ANKRD12: variants seen among roughly 807,000 people sequenced by gnomAD.
ANKRD12 encodes the protein ankyrin repeat domain 12.
Under a neutral mutation model 183.4 loss-of-function variants are expected in ANKRD12, and 85 were observed. That is an observed-to-expected ratio of 0.46 (90% CI 0.39 to 0.56). The LOEUF (loss-of-function observed/expected upper bound fraction) is 0.56, where lower values mean the gene tolerates loss of function less well. Among genes scored for constraint, ANKRD12 ranks in the 20% least tolerant of loss-of-function variants. The pLI is 0.00. For missense variants in ANKRD12, 2,405 were observed against 2,357.1 expected (o/e 1.02, Z -0.42); for synonymous variants, 914 against 800.2 (o/e 1.14, Z -2.40).
chr18:9,209,909 C>T (rs2035692344), intron 5 of ANKRD12, among the ~76,000 whole-genome samples: 1 of 152,090 alleles, frequency 6.6e-6, no homozygotes, highest in African/African-American at 2.4e-5. Flanking sequence ...CAATCACCTC[C>T]CCTCAAGAGG....
intron 7 of ANKRD12, among the ~76,000 whole-genome samples, chr18:9,217,879 G>A (rs1361219779): frequency 6.6e-6 from 1 of 152,100 alleles, no homozygotes; most frequent in East Asian, 1.9e-4. Flanking sequence ...TATCCATCAT[G>A]GATGCACTTG....
At chr18:9,268,526 G>T (rs1434153546) in intron 10 of ANKRD12, among the ~76,000 whole-genome samples, 1 of 152,138 alleles carries the variant, frequency 6.6e-6, no homozygotes, top group East Asian at 1.9e-4. Context: ...AAAACCACAT[G>T]ATTATCTCAA....
intron 1 of ANKRD12, among the ~76,000 whole-genome samples, chr18:9,178,814 T>C (rs1186210734): frequency 1.3e-5 from 2 of 152,206 alleles, no homozygotes; most frequent in South Asian, 2.1e-4. Flanking sequence ...TTTAGATCTT[T>C]TTTCACTTCT....
At chr18:9,266,360 CAG>C (rs1431862970) in intron 10 of ANKRD12, among the ~76,000 whole-genome samples, 7 of 152,124 alleles carry the variant, frequency 4.6e-5, no homozygotes, top group Non-Finnish European at 8.8e-5. Context: ...TAAGGGCAGC[CAG>C]AGAGAAAGGT....
At chr18:9,278,112 A>G (rs991297639) in intron 11 of ANKRD12, among the ~76,000 whole-genome samples, 2 of 152,202 alleles carry the variant, frequency 1.3e-5, no homozygotes, top group African/African-American at 4.8e-5. Context: ...TGAGATACCA[A>G]AATGTGAGGT....
At chr18:9,272,429 G>C (rs1218894210) in intron 10 of ANKRD12, among the ~76,000 whole-genome samples, 1 of 152,054 alleles carries the variant, frequency 6.6e-6, no homozygotes, top group Admixed American at 6.6e-5. Context: ...AGGCTTGGTG[G>C]TGGGCACCTG....
At chr18:9,190,596 T>C (rs187415080) in intron 2 of ANKRD12, among the ~76,000 whole-genome samples, 1 of 152,304 alleles carries the variant, frequency 6.6e-6, no homozygotes, top group East Asian at 1.9e-4. Flanking sequence ...TCAATTCACA[T>C]GGCAAACTTC....
intron 11 of ANKRD12, among the ~76,000 whole-genome samples, chr18:9,277,330 T>C (rs1248807293): frequency 1.4e-5 from 2 of 145,644 alleles, no homozygotes; most frequent in Admixed American, 6.8e-5. Flanking sequence ...TCTTTTTTTT[T>C]TTTTTTTTTT....
At position 9,141,842 on chromosome 18, in the gene ANKRD12, A is replaced by G. The variant is rs376828458; in HGVS notation, c.-52+4877A>G. Among the ~76,000 whole-genome samples the G allele has an allele frequency of 1.2e-4, 18 of 152,332 alleles. No homozygotes were observed. The South Asian group carries it at 3.1e-3, about 26-fold the overall frequency. On this transcript the variant is annotated intron_variant, in intron 1 of 12. Coordinates refer to ENST00000262126, the MANE Select transcript of ANKRD12 (RefSeq NM_015208.5). ...TTTAACTACCTTATGTCTGTTAACT[A>G]TCTTATTTTGACAATTAAGATTAAT...
intron 2 of ANKRD12, among the ~76,000 whole-genome samples, chr18:9,183,685 G>T (rs1166527607): frequency 6.6e-6 from 1 of 151,892 alleles, no homozygotes; most frequent in Non-Finnish European, 1.5e-5. Flanking sequence ...TTCTTTTCCA[G>T]TCCGGATATT....
Position 9,257,854 on chromosome 18 carries a change from G to A in ANKRD12, c.4587G>A (p.Gln1529=), listed in dbSNP as rs778361982. The A allele has an allele frequency of 1.3e-5, 21 of 1,613,650 alleles. No individual in the cohort carries two copies. The highest frequency in any genetic ancestry group is 1.6e-5 in the Non-Finnish European group (19 of 1,179,898). ...TTTTACAACAAAAAAATGCAGTTCA[G>A]ATTATTAGTTCTGCTTTAGATACTG... The part of the protein sequence containing the change: ...PGILQQKNAV[Q]IISSALDTDN... Residue 1529 remains glutamine (Q), a synonymous_variant, in exon 9 of 13, where the codon CAG becomes CAA. Transcript: ENST00000262126.
Position 9,204,541 on chromosome 18 carries a change from TC to T in ANKRD12, c.302del (p.Ser101Ter). ...ERLISSYRTY[S>X]EKEGPEKKKT... Reference sequence around the variant, plus strand: ...ACTTATATCTTCTTACAGGACATACTCAGGTAATTAGATTATCAGGTGTTCC... The same window carrying T: ...ACTTATATCTTCTTACAGGACATACTAGGTAATTAGATTATCAGGTGTTCC... On this transcript the variant is annotated frameshift_variant and splice_region_variant, in exon 4 of 13. Coordinates refer to ENST00000262126, the MANE Select transcript of ANKRD12 (RefSeq NM_015208.5). LOFTEE classifies it high-confidence loss of function. The T allele has an allele frequency of 6.3e-7, 1 of 1,581,902 alleles. No homozygotes were observed. The highest frequency in any genetic ancestry group is 8.6e-7 in the Non-Finnish European group (1 of 1,159,714).
chr18:9,253,562 A>G (rs1480556398), intron 8 of ANKRD12, among the ~76,000 whole-genome samples: 1 of 152,144 alleles, frequency 6.6e-6, no homozygotes, highest in African/African-American at 2.4e-5. Context: ...TATGAACCAC[A>G]TTTTCTTTAT....
At chr18:9,248,215 TAGG>T (rs2038076670) in intron 8 of ANKRD12, among the ~76,000 whole-genome samples, 1 of 152,240 alleles carries the variant, frequency 6.6e-6, no homozygotes, top group Non-Finnish European at 1.5e-5. Flanking sequence ...TGGGGTTTAA[TAGG>T]AGATCGTAAT....
intron 7 of ANKRD12, among the ~76,000 whole-genome samples, chr18:9,220,362 G>A (rs2036352825): frequency 6.6e-6 from 1 of 152,166 alleles, no homozygotes; most frequent in Non-Finnish European, 1.5e-5. Context: ...GGGGAAATGT[G>A]TTAATGAATG....
chr18:9,161,941 C>G (rs1433382242), intron 1 of ANKRD12, among the ~76,000 whole-genome samples: 1 of 151,982 alleles, frequency 6.6e-6, no homozygotes, highest in African/African-American at 2.4e-5. Flanking sequence ...TAGCTCACTG[C>G]AGCTTTAAAC....
chr18:9,226,574 G>T (rs1360696855), intron 8 of ANKRD12, among the ~76,000 whole-genome samples: 1 of 152,100 alleles, frequency 6.6e-6, no homozygotes, highest in Non-Finnish European at 1.5e-5. Context: ...ACTTGGGGGG[G>T]TGGATTTTTA....
rs1469303699 is a variant in ANKRD12, at chr18:9,255,389, G to C, written c.2122G>C (p.Asp708His). The C allele has an allele frequency of 1.3e-6, 2 of 1,594,632 alleles. No homozygotes were observed. Among genetic ancestry groups the C allele is most frequent in the Admixed American group, 3.6e-5 (2 of 54,816 alleles). Residue 708 changes from aspartate (D) to histidine (H), a missense_variant, in exon 9 of 13, where the codon GAT (aspartate) becomes CAT (histidine). Physicochemically the swap from Asp to His is moderately conservative, Grantham distance 81 (BLOSUM62 -1). Transcript: ENST00000262126. ...TTTTTTTAAAAGTGATGAAACTGAA[G>C]ATCTCTTTTTAAATATGGAACATGA... ...ENFFKSDETEDLFLNMEHESL... is the reference protein window; with the variant it reads ...ENFFKSDETEHLFLNMEHESL...
chr18:9,145,069 C>A (rs1442796609), intron 1 of ANKRD12, among the ~76,000 whole-genome samples: 1 of 152,048 alleles, frequency 6.6e-6, no homozygotes, highest in Non-Finnish European at 1.5e-5. Context: ...CTTTTTATTT[C>A]TGAATTTTCC....
Sources: allele counts gnomAD v4.1 joint callset (sites outside exome capture counted in the v4.1 genomes callset), GRCh38; gene constraint gnomAD v4.1.1; transcripts MANE v1.5; gene names NCBI Gene and HGNC (gene_info 2026-07-23, HGNC 2026-07-21).